The following ZNF44 variants were observed in gnomAD, a reference collection of about 807,000 sequenced individuals.
ZNF44 encodes the protein gonadotropin inducible transcription repressor-2.
In ZNF44, 9 loss-of-function variants were observed where a neutral mutation model predicts 11.7. The ratio of observed to expected loss-of-function variants is 0.77; its 90% confidence interval spans 0.46 to 1.35. ZNF44 has a LOEUF of 1.35. Among genes scored for constraint, ZNF44 ranks in the 40% most tolerant of loss-of-function variants. The pLI, the probability that ZNF44 is intolerant of heterozygous loss-of-function variation, is 0.00. For synonymous variants in ZNF44, 224 were observed against 242.7 expected (o/e 0.92, Z 0.72); for missense variants, 696 against 743.1 (o/e 0.94, Z 0.74).
chr19:12,268,216 T>C (rs1917815600), downstream of ZNF44, among the ~76,000 whole-genome samples: 1 of 149,800 alleles, frequency 6.7e-6, no homozygotes, highest in Non-Finnish European at 1.5e-5. Flanking sequence ...AAAGATACTC[T>C]CCTACATCTG....
At chr19:12,277,324 T>C (rs1187235698) in intron 1 of ZNF44, among the ~76,000 whole-genome samples, 1 of 152,066 alleles carries the variant, frequency 6.6e-6, no homozygotes, top group Non-Finnish European at 1.5e-5. Flanking sequence ...ATAGAAAAAA[T>C]TGTAACTTTC....
downstream of ZNF44, among the ~76,000 whole-genome samples, chr19:12,225,812 C>G (rs931251011): frequency 6.6e-6 from 1 of 152,126 alleles, no homozygotes; most frequent in Non-Finnish European, 1.5e-5. Context: ...ATGAGTAATT[C>G]TCTCTTGGTT....
At position 12,272,549 on chromosome 19, in the gene ZNF44, A is replaced by C; in HGVS notation, c.1706T>G (p.Phe569Cys). 1 of 1,613,692 alleles carries C rather than the reference A, an allele frequency of 6.2e-7. No homozygotes were observed. The highest frequency in any genetic ancestry group is 8.5e-7 in the Non-Finnish European group (1 of 1,179,854). The change falls in exon 4 of 4, where the codon TTC becomes TGC. Residue 569 changes from phenylalanine to cysteine, a missense_variant. By Grantham distance (205) the Phe-to-Cys change is radical. Coordinates refer to ENST00000355684, the MANE Select transcript of ZNF44 (RefSeq NM_016264.4). ...PYECKHCGKA[F>C]SRSSFCREHE... Reference sequence around the variant, plus strand: ...TTCTCGACAGAAACTGGAACGACTGAAGGCTTTACCACAGTGTTTACATTC... The same window carrying C: ...TTCTCGACAGAAACTGGAACGACTGCAGGCTTTACCACAGTGTTTACATTC...
exon 6 of ZNF44, chr19:12,250,297 C>T (rs1308145872): frequency 7.3e-7 from 1 of 1,366,384 alleles, no homozygotes; most frequent in Admixed American, 1.9e-5. Flanking sequence ...AGAGTTTTTT[C>T]TGTGAAGGAT....
chr19:12,281,571 G>T (rs747941658), intron 1 of ZNF44, among the ~76,000 whole-genome samples: 4 of 152,142 alleles, frequency 2.6e-5, no homozygotes, highest in Non-Finnish European at 5.9e-5. Flanking sequence ...GTAACGATGA[G>T]AAGAGATATT....
At chr19:12,280,143 C>T (rs1967410122) in intron 1 of ZNF44, among the ~76,000 whole-genome samples, 2 of 152,014 alleles carry the variant, frequency 1.3e-5, no homozygotes. Flanking sequence ...TGCTTGAACC[C>T]AGGAGGCAGA....
At chr19:12,275,520 C>T (rs531257541) in intron 2 of ZNF44, among the ~76,000 whole-genome samples, 236 of 151,944 alleles carry the variant, frequency 1.6e-3, no homozygotes, top group Middle Eastern at 3.4e-3. Context: ...TGGTGGCGGG[C>T]GCCTGTAGTC....
In ZNF44 at chr19:12,271,845, T is replaced by TTATA. The variant is rs2145718792; in HGVS notation, c.*561_*562insTATA. Reference sequence around the variant, plus strand: ...TGAGATATTTTAATTAATCTAGACATTTATAGAGTATACAGGAGAATGTGG... The same window carrying TTATA: ...TGAGATATTTTAATTAATCTAGACATTATATTATAGAGTATACAGGAGAATGTGG... On this transcript the variant is annotated 3_prime_UTR_variant, in exon 4 of 4. Coordinates refer to ENST00000355684, the MANE Select transcript of ZNF44 (RefSeq NM_016264.4). 1 of 152,256 alleles carries TTATA rather than the reference T, an allele frequency of 6.6e-6. No homozygotes were observed. Among genetic ancestry groups the TTATA allele is most frequent in the South Asian group, 2.1e-4 (1 of 4,826 alleles). 9.4% of individuals were successfully genotyped at this position (152,256 alleles called of 1,614,324 possible).
chr19:12,249,307 C>T (rs569389643), intron 7 of ZNF44, among the ~76,000 whole-genome samples: 1 of 151,182 alleles, frequency 6.6e-6, no homozygotes, highest in African/African-American at 2.4e-5. Flanking sequence ...AGATCGAGAC[C>T]ATCCTGGCTA....
chr19:12,263,261 T>C (rs761891568), intron 5 of ZNF44, among the ~76,000 whole-genome samples: 2 of 152,026 alleles, frequency 1.3e-5, no homozygotes, highest in Admixed American at 6.6e-5. Flanking sequence ...TAATTTTGTA[T>C]TTTTAGTAGA....
chr19:12,249,632 A>G (rs929184943), intron 7 of ZNF44, among the ~76,000 whole-genome samples: 1 of 151,996 alleles, frequency 6.6e-6, no homozygotes, highest in Non-Finnish European at 1.5e-5. Context: ...GGCTTACTGC[A>G]GCCTCCGCCT....
chr19:12,293,332 T>G (rs1244653334), intron 1 of ZNF44: 5 of 1,536,888 alleles, frequency 3.3e-6, no homozygotes, highest in Admixed American at 2.0e-5. Context: ...ATTGGCAGCT[T>G]CCAGCATCTT....
chr19:12,239,256 G>A (rs1372128245), upstream of ZNF44, among the ~76,000 whole-genome samples: 1 of 151,874 alleles, frequency 6.6e-6, no homozygotes, highest in African/African-American at 2.4e-5. Flanking sequence ...TGTGACTATA[G>A]GTGCACACCA....
intron 1 of ZNF44, among the ~76,000 whole-genome samples, chr19:12,291,639 A>G (rs563972967): frequency 1.3e-5 from 2 of 152,230 alleles, no homozygotes; most frequent in African/African-American, 4.8e-5. Flanking sequence ...CAGAGGTTGC[A>G]GTAAGCTGAG....
Position 12,272,745 on chromosome 19 carries a change from A to T in ZNF44, c.1510T>A (p.Tyr504Asn). 6.2e-7 allele frequency: 1 copy of T among 1,613,630 alleles called. No individual in the cohort carries two copies. The change falls in exon 4 of 4, where the codon TAT becomes AAT. Residue 504 changes from tyrosine (Y) to asparagine (N), a missense_variant. Tyr to Asn is a moderately radical substitution (Grantham distance 143). Transcript: ENST00000355684. The stretch of plus-strand genomic sequence containing the variant: ...GCTTTGCCACAAATTTGACACTCAT[A>T]AGATTTTTCTTCACTGTGAGTCCTT... ...HERTHSEEKS[Y>N]ECQICGKAFS...
At chr19:12,229,684 G>A (rs954630710) in intron 3 of ZNF44, among the ~76,000 whole-genome samples, 2 of 151,292 alleles carry the variant, frequency 1.3e-5, no homozygotes, top group Non-Finnish European at 2.9e-5. Context: ...CGTGATCTCT[G>A]CTCACTGCAA....
Position 12,272,832 on chromosome 19 carries a change from G to A in ZNF44, c.1423C>T (p.Pro475Ser), listed in dbSNP as rs766527172. The change falls in exon 4 of 4, where the codon CCT (proline) becomes TCT (serine). Residue 475 changes from proline (P) to serine (S), a missense_variant. Transcript: ENST00000355684. ...SHETTHSEEE[P>S]YECKECGKAF... ...TTCCCACACTCCTTACATTCATAAG[G>A]CTCCTCTTCACTGTGTGTTGTTTCA... 1.2e-5 allele frequency: 19 copies of A among 1,613,916 alleles called. No homozygotes were observed. The South Asian group carries it at 2.1e-4, about 18-fold the overall frequency.
chr19:12,256,395 A>T (rs1042886316), intron 5 of ZNF44, among the ~76,000 whole-genome samples: 1 of 152,080 alleles, frequency 6.6e-6, no homozygotes, highest in African/African-American at 2.4e-5. Flanking sequence ...AGGCTGAGGC[A>T]GGGGAATTGC....
At chr19:12,285,438 G>A (rs1369022466) in intron 1 of ZNF44, among the ~76,000 whole-genome samples, 1 of 152,078 alleles carries the variant, frequency 6.6e-6, no homozygotes, top group African/African-American at 2.4e-5. Context: ...GCTTTTAGTA[G>A]AAATGGTGTT....
Sources: gnomAD v4.1 joint callset for allele counts (sites outside exome capture counted in the v4.1 genomes callset) on GRCh38, gnomAD v4.1.1 for gene constraint, MANE v1.5 for transcripts, NCBI Gene and HGNC (gene_info 2026-07-23, HGNC 2026-07-21) for gene names.